The following MYL4 variants were observed in gnomAD, a reference collection of about 807,000 sequenced individuals.
MYL4 encodes the protein myosin light chain 4.
A neutral mutation model predicts 21.6 loss-of-function variants in MYL4; 16 were observed. That is an observed-to-expected ratio of 0.74 (90% CI 0.50 to 1.12). The LOEUF (loss-of-function observed/expected upper bound fraction) is 1.12. Ranked by LOEUF, MYL4 falls within the 50% of genes most tolerant of loss-of-function variation. The probability of loss-of-function intolerance (pLI) is 0.00; values close to 1 mark genes in which losing one functional copy is unlikely to be tolerated. For missense variants in MYL4, 249 were observed against 252.9 expected (o/e 0.98, Z 0.11); for synonymous variants, 82 against 95.7 (o/e 0.86, Z 0.83).
At chr17:47,197,180 G>T (rs1414405104), upstream of MYL4, among the ~76,000 whole-genome samples, 1 of 145,326 alleles carries the variant, frequency 6.9e-6, no homozygotes, top group East Asian at 2.1e-4. Flanking sequence ...CTCACTGCAA[G>T]CTCCACCTCC....
chr17:47,209,248 C>G, upstream of MYL4: 4 of 815,758 alleles, frequency 4.9e-6, no homozygotes. Context: ...GCTGGCGTTT[C>G]TTCCTTTTAT....
upstream of MYL4, among the ~76,000 whole-genome samples, chr17:47,199,725 T>G (rs150877799): frequency 1.3e-5 from 2 of 149,802 alleles, no homozygotes; most frequent in Non-Finnish European, 3.0e-5. Context: ...TACATGTTAG[T>G]TGTAGTAAAG....
chr17:47,191,970 A>T, the MYL4 span, among the ~76,000 whole-genome samples: 1 of 152,266 alleles, frequency 6.6e-6, no homozygotes, highest in African/African-American at 2.4e-5. Flanking sequence ...ATGGATCTAG[A>T]GTCAGCATTT....
At chr17:47,195,152 G>A in the MYL4 span, among the ~76,000 whole-genome samples, 2 of 141,796 alleles carry the variant, frequency 1.4e-5, no homozygotes, top group East Asian at 2.2e-4. Context: ...TCTGCCTCCC[G>A]GGTTCAAGCA....
At chr17:47,224,732 G>A (rs17605038), downstream of MYL4, among the ~76,000 whole-genome samples, 15,005 of 152,124 alleles carry the variant, frequency 0.099, 971 homozygotes, top group Non-Finnish European at 0.15. Flanking sequence ...TTTGGTCCTC[G>A]CTTTTTTAGG....
upstream of MYL4, among the ~76,000 whole-genome samples, chr17:47,206,465 C>T (rs555208170): frequency 1.4e-4 from 21 of 152,144 alleles, no homozygotes; most frequent in East Asian, 4.1e-3. Context: ...TGTGTTTTAA[C>T]TGGAAGGGGG....
chr17:47,207,123 G>T (rs73327187), upstream of MYL4, among the ~76,000 whole-genome samples: 2,471 of 152,238 alleles, frequency 0.016, 57 homozygotes, highest in African/African-American at 0.056. Flanking sequence ...CAGAGCAAAG[G>T]AGCCACCATC....
upstream of MYL4, among the ~76,000 whole-genome samples, chr17:47,197,092 G>GTTTTTTT (rs71365051): frequency 5.3e-5 from 6 of 113,378 alleles, no homozygotes; most frequent in Admixed American, 1.8e-4. Flanking sequence ...TCCTTAAAGG[G>GTTTTTTT]TTTTTTTTTT....
At chr17:47,209,330 G>A, upstream of MYL4, 1 of 1,560,980 alleles carries the variant, frequency 6.4e-7, no homozygotes, top group East Asian at 2.2e-5. Flanking sequence ...AAAGGGAAGG[G>A]AGGCAGCCCA....
chr17:47,192,817 A>G, the MYL4 span, among the ~76,000 whole-genome samples: 5 of 152,264 alleles, frequency 3.3e-5, no homozygotes, highest in South Asian at 2.1e-4. Flanking sequence ...TAAACTCGCT[A>G]TTCATCAACC....
the MYL4 span, among the ~76,000 whole-genome samples, chr17:47,191,968 A>G: frequency 6.6e-6 from 1 of 152,252 alleles, no homozygotes; most frequent in Non-Finnish European, 1.5e-5. Flanking sequence ...ATATGGATCT[A>G]GAGTCAGCAT....
downstream of MYL4, among the ~76,000 whole-genome samples, chr17:47,225,754 T>G (rs1484931789): frequency 6.6e-6 from 1 of 152,130 alleles, no homozygotes; most frequent in Admixed American, 6.5e-5. Context: ...CTGCTCTTTT[T>G]GGCCTCACTT....
intron 3 of MYL4, 134 bp from the exon 4 acceptor site, chr17:47,221,548 G>T: frequency 2.1e-6 from 2 of 967,334 alleles, no homozygotes; most frequent in Non-Finnish European, 3.1e-6. Flanking sequence ...GCACTAATGG[G>T]TGTACCACCC....
At chr17:47,208,253 GAAAAACA>G (rs1461279261), upstream of MYL4, among the ~76,000 whole-genome samples, 1 of 151,820 alleles carries the variant, frequency 6.6e-6, no homozygotes, top group Non-Finnish European at 1.5e-5. Flanking sequence ...CATCTCTACT[GAAAAACA>G]AAAAACAAAA....
chr17:47,214,512 G>A (rs2064799839), intron 2 of MYL4, among the ~76,000 whole-genome samples: 3 of 152,056 alleles, frequency 2.0e-5, no homozygotes, highest in African/African-American at 4.8e-5. Flanking sequence ...AATTGGAAGG[G>A]ACCTTGAAAA....
At chr17:47,222,264 C>A in intron 4 of MYL4, 116 bp from the exon 5 acceptor site, 1 of 1,028,784 alleles carries the variant, frequency 9.7e-7, no homozygotes, top group Non-Finnish European at 1.5e-6. Flanking sequence ...TGGTTTGAAC[C>A]ACCTCCCAGA....
downstream of MYL4, among the ~76,000 whole-genome samples, chr17:47,224,674 T>C (rs1189910377): frequency 6.6e-6 from 1 of 152,212 alleles, no homozygotes; most frequent in Non-Finnish European, 1.5e-5. Flanking sequence ...TCGTGTTCCT[T>C]TTTTAAGGCG....
Position 47,221,739 on chromosome 17 carries a change from C to T in MYL4, c.371C>T (p.Ser124Phe), listed in dbSNP as rs1567749846. 6.2e-7 allele frequency: 1 copy of T among 1,614,196 alleles called. No individual in the cohort carries two copies. The highest frequency in any genetic ancestry group is 8.5e-7 in the Non-Finnish European group (1 of 1,180,006). The change falls in exon 4 of 7, where the codon TCC (serine) becomes TTC (phenylalanine). Residue 124 changes from serine to phenylalanine, a missense_variant. Transcript: ENST00000393450. ...ETFLPILQHI[S>F]RNKEQGTYED... ...TTCTTGCCCATCCTGCAGCACATTTCCCGCAACAAGGAGCAGGGCACCTAT... is the reference window on the plus strand; with the variant it reads ...TTCTTGCCCATCCTGCAGCACATTTTCCGCAACAAGGAGCAGGGCACCTAT...
chr17:47,199,912 G>GTT (rs199699936), upstream of MYL4, among the ~76,000 whole-genome samples: 2 of 149,384 alleles, frequency 1.3e-5, no homozygotes, highest in East Asian at 2.0e-4. Context: ...ATTTTTGTGG[G>GTT]TTTTTTTTTG....
Sources: allele counts gnomAD v4.1 joint callset (sites outside exome capture counted in the v4.1 genomes callset), GRCh38; gene constraint gnomAD v4.1.1; transcripts MANE v1.5; gene names NCBI Gene and HGNC (gene_info 2026-07-23, HGNC 2026-07-21).